RFX3: variants seen among roughly 807,000 people sequenced by gnomAD.
RFX3 encodes transcription factor RFX3.
RFX3 carries 14 observed loss-of-function variants against 98.6 expected under a neutral mutation model. That is an observed-to-expected ratio of 0.14 (90% confidence interval 0.09 to 0.22). The LOEUF is 0.22. RFX3 is among the 10% of genes least tolerant of loss of function. The pLI is 1.00. For missense variants in RFX3, 639 were observed against 926.9 expected (o/e 0.69, Z 4.03); for synonymous variants, 383 against 328.4 (o/e 1.17, Z -1.80).
rs543234549 is a variant in RFX3, at chr9:3,400,749, G to A, written c.-8-5153C>T. ...GCCTCTCATGTAATAGTTTTTTCCT[G>A]GTGCCAGGCACTACACTAAGTGCTT... On this transcript the variant is annotated intron_variant, in intron 1 of 16. Transcript: ENST00000617270. 3.3e-5 allele frequency among the ~76,000 whole-genome samples: 5 copies of A among 152,188 alleles called. 1 individual carries two copies. In the South Asian group the frequency reaches 1.0e-3, roughly 32 times the overall value.
intron 3 of RFX3, among the ~76,000 whole-genome samples, chr9:3,331,911 G>T (rs1414557470): frequency 6.6e-6 from 1 of 152,042 alleles, no homozygotes; most frequent in Non-Finnish European, 1.5e-5. Context: ...TCACTACTCA[G>T]AACTCCCATG....
chr9:3,266,103 T>C (rs149413811), intron 12 of RFX3, 105 bp downstream of exon 12: 5 of 592,034 alleles, frequency 8.4e-6, no homozygotes, highest in Admixed American at 3.3e-5. Context: ...ATGTATGTTA[T>C]AACCTCAACA....
intron 1 of RFX3, among the ~76,000 whole-genome samples, chr9:3,404,828 T>A (rs796538640): frequency 1.3e-5 from 2 of 152,262 alleles, no homozygotes; most frequent in African/African-American, 4.8e-5. Flanking sequence ...GATAATACAT[T>A]AAGTGTAACA....
intron 2 of RFX3, among the ~76,000 whole-genome samples, chr9:3,373,290 C>T (rs1480248207): frequency 6.6e-6 from 1 of 152,132 alleles, no homozygotes; most frequent in Non-Finnish European, 1.5e-5. Flanking sequence ...CAACGGAAGT[C>T]CATCTTTTGG....
At chr9:3,409,844 TCA>T (rs1842303142) in intron 1 of RFX3, among the ~76,000 whole-genome samples, 1 of 152,034 alleles carries the variant, frequency 6.6e-6, no homozygotes, top group African/African-American at 2.4e-5. Flanking sequence ...GGCTCCCATT[TCA>T]CAGAGAAACT....
intron 1 of RFX3, among the ~76,000 whole-genome samples, chr9:3,483,021 T>C (rs963355502): frequency 3.3e-5 from 5 of 152,238 alleles, no homozygotes; most frequent in Non-Finnish European, 5.9e-5. Flanking sequence ...ATAAGCAGTT[T>C]AGCTATTTGC....
chr9:3,396,463 C>T (rs912144848), intron 1 of RFX3, among the ~76,000 whole-genome samples: 6 of 152,070 alleles, frequency 3.9e-5, no homozygotes, highest in South Asian at 2.1e-4. Flanking sequence ...GGCTTGGTTC[C>T]GAGTCTTTGC....
intron 2 of RFX3, among the ~76,000 whole-genome samples, chr9:3,360,620 A>G (rs72699074): frequency 0.039 from 6,004 of 152,272 alleles, 161 homozygotes; most frequent in Non-Finnish European, 0.059. Context: ...ATGCATATTT[A>G]AATATATGGA....
chr9:3,299,389 G>T (rs1034616288), intron 5 of RFX3, among the ~76,000 whole-genome samples: 1 of 151,688 alleles, frequency 6.6e-6, no homozygotes, highest in Admixed American at 6.6e-5. Context: ...TAACCTCACT[G>T]ATCAGTCAGT....
intron 1 of RFX3, among the ~76,000 whole-genome samples, chr9:3,517,188 A>C (rs1818266955): frequency 6.6e-6 from 1 of 152,236 alleles, no homozygotes; most frequent in African/African-American, 2.4e-5. Context: ...CATAGATTGG[A>C]AAGGGCTTTA....
chr9:3,341,334 G>A (rs12005374), intron 3 of RFX3, among the ~76,000 whole-genome samples: 27,752 of 151,336 alleles, frequency 0.18, 5,416 homozygotes, highest in African/African-American at 0.5. Context: ...CAGCACACCA[G>A]CATGGCACAT....
At chr9:3,481,634 C>A (rs1195853020) in intron 1 of RFX3, among the ~76,000 whole-genome samples, 14 of 150,208 alleles carry the variant, frequency 9.3e-5, no homozygotes, top group African/African-American at 2.9e-4. Flanking sequence ...TATTTTTAAA[C>A]TAAAAAAAAG....
At chr9:3,283,599 T>C (rs1489932717) in intron 7 of RFX3, among the ~76,000 whole-genome samples, 1 of 151,804 alleles carries the variant, frequency 6.6e-6, no homozygotes, top group Non-Finnish European at 1.5e-5. Context: ...TAAAAGAACG[T>C]GCATGCTTTT....
At chr9:3,443,947 T>C (rs1845821701) in intron 1 of RFX3, among the ~76,000 whole-genome samples, 1 of 152,218 alleles carries the variant, frequency 6.6e-6, no homozygotes, top group African/African-American at 2.4e-5. Context: ...GTAGAGAAAC[T>C]GGAATTCTCA....
intron 1 of RFX3, among the ~76,000 whole-genome samples, chr9:3,493,934 C>A (rs546386642): frequency 6.6e-6 from 1 of 151,820 alleles, no homozygotes; most frequent in Non-Finnish European, 1.5e-5. Flanking sequence ...CTTTTAAGAT[C>A]CATGTCCTGC....
intron 1 of RFX3, chr9:3,489,298 ACAGACACTAT>A (rs1850538669): frequency 4.1e-6 from 1 of 241,106 alleles, no homozygotes; most frequent in Non-Finnish European, 6.7e-6. Context: ...ACAAGTACTC[ACAGACACTAT>A]GCCTATCCCT....
intron 13 of RFX3, 149 bp downstream of exon 13, chr9:3,262,786 T>C: frequency 2.6e-6 from 2 of 768,676 alleles, no homozygotes; most frequent in Non-Finnish European, 4.1e-6. Flanking sequence ...CAGCTGTATC[T>C]GGGTCAAACT....
At chr9:3,374,627 G>C (rs562076788) in intron 2 of RFX3, among the ~76,000 whole-genome samples, 5 of 152,134 alleles carry the variant, frequency 3.3e-5, no homozygotes, top group Non-Finnish European at 5.9e-5. Context: ...GACAAATACA[G>C]TATGATTCTA....
rs1564138896 is a variant in RFX3, at chr9:3,467,119, CATATATGTAAGTATATATGTATATACATA to C, written c.-9+58599_-9+58627del. Among the ~76,000 whole-genome samples the C allele has an allele frequency of 3.1e-3, 287 of 91,630 alleles. 3 individuals carry two copies. The highest frequency in any genetic ancestry group is 0.023 in the African/African-American group (235 of 10,252). The allele number at this position is 91,630 out of a possible 152,430, so 60.1% of individuals were successfully genotyped here. ...ATGTAAGTATATATGTATATACATA[CATATATGTAAGTATATATGTATATACATA>C]ATATATATGTATATACGTATATAAT... On this transcript the variant is annotated intron_variant, in intron 1 of 16. Coordinates refer to ENST00000617270, the MANE Select transcript of RFX3 (RefSeq NM_001282116.2).
Sources: allele counts gnomAD v4.1 joint callset (sites outside exome capture counted in the v4.1 genomes callset), GRCh38; gene constraint gnomAD v4.1.1; transcripts MANE v1.5; gene names NCBI Gene and HGNC (gene_info 2026-07-23, HGNC 2026-07-21).